Variants in CMIP observed in about 807,000 individuals in gnomAD.
CMIP encodes the protein C-Maf-inducing protein.
In CMIP, 13 loss-of-function variants were observed where a neutral mutation model predicts 97.3. The observed-to-expected ratio is 0.13, with a 90% confidence interval of 0.09 to 0.21. The LOEUF is 0.21. Ranked by LOEUF, CMIP falls within the 10% of genes least tolerant of loss-of-function variation. The probability of loss-of-function intolerance (pLI) is 1.00; values close to 1 mark genes in which losing one functional copy is unlikely to be tolerated. For missense variants in CMIP, 847 were observed against 1,024.9 expected, an observed-to-expected ratio of 0.83 and a Z score of 2.37; for synonymous variants, 538 against 436.3, an observed-to-expected ratio of 1.23 and a Z score of -2.91.
intron 1 of CMIP, among the ~76,000 whole-genome samples, chr16:81,478,878 C>T (rs1908087407): frequency 1.3e-5 from 2 of 152,188 alleles, no homozygotes; most frequent in South Asian, 4.1e-4. Flanking sequence ...TTCCCCACCT[C>T]CCAGCCAGAA....
chr16:81,604,054 G>A (rs2091700947), intron 1 of CMIP, among the ~76,000 whole-genome samples: 1 of 152,170 alleles, frequency 6.6e-6, no homozygotes, highest in South Asian at 2.1e-4. Context: ...TCTGCTTTTG[G>A]CCAAATGCTG....
intron 6 of CMIP, among the ~76,000 whole-genome samples, chr16:81,661,374 T>C (rs970263933): frequency 3.3e-5 from 5 of 152,252 alleles, no homozygotes; most frequent in African/African-American, 1.2e-4. Context: ...GAGCAGGGCA[T>C]CCGCTGCCGG....
In CMIP at chr16:81,607,644, G is replaced by A. The variant is rs772842158; in HGVS notation, c.378G>A (p.Pro126=). The A allele has an allele frequency of 4.9e-5, 79 of 1,613,886 alleles. No homozygotes were observed. Among genetic ancestry groups the A allele is most frequent in the East Asian group, 4.7e-4 (21 of 44,906 alleles). The change falls in exon 2 of 21, where the codon CCG becomes CCA. Residue 126 remains proline (P), a synonymous_variant. Coordinates refer to ENST00000537098, the MANE Select transcript of CMIP (RefSeq NM_198390.3). ...DVQLLSWENA[P]KYCLQLTIPG... ...AGCTGCTGTCCTGGGAGAATGCCCC[G>A]AAGTACTGTTTACAGCTCACGATTC...
At chr16:81,472,195 T>C (rs923368138) in intron 1 of CMIP, among the ~76,000 whole-genome samples, 3 of 152,224 alleles carry the variant, frequency 2.0e-5, no homozygotes, top group Admixed American at 2.0e-4. Context: ...TTCTGATGTA[T>C]ATGTAACTTT....
chr16:81,461,095 C>T (rs1464745837), intron 1 of CMIP, among the ~76,000 whole-genome samples: 1 of 152,194 alleles, frequency 6.6e-6, no homozygotes, highest in Non-Finnish European at 1.5e-5. Flanking sequence ...AAGGCCAAGC[C>T]AGGCAAAACC....
At chr16:81,629,617 G>A (rs1029377438) in intron 3 of CMIP, among the ~76,000 whole-genome samples, 1 of 152,246 alleles carries the variant, frequency 6.6e-6, no homozygotes, top group African/African-American at 2.4e-5. Flanking sequence ...GCTCCTGCCA[G>A]TTATGACCTT....
chr16:81,514,535 C>T (rs1246088617), intron 1 of CMIP, among the ~76,000 whole-genome samples: 1 of 152,178 alleles, frequency 6.6e-6, no homozygotes, highest in Non-Finnish European at 1.5e-5. Flanking sequence ...AATGGGTGTA[C>T]TGTGAGAATT....
chr16:81,633,391 C>T (rs1004813732), intron 3 of CMIP, among the ~76,000 whole-genome samples: 12 of 152,160 alleles, frequency 7.9e-5, no homozygotes, highest in Non-Finnish European at 1.5e-4. Context: ...CCTGTTGGCT[C>T]GGAGATGAGG....
chr16:81,587,013 A>AAAGT (rs1161959214), intron 1 of CMIP, among the ~76,000 whole-genome samples: 21 of 152,238 alleles, frequency 1.4e-4, no homozygotes, highest in African/African-American at 5.1e-4. Context: ...CCAATTTAGA[A>AAAGT]AAGTAAAGAA....
intron 1 of CMIP, among the ~76,000 whole-genome samples, chr16:81,567,669 G>A (rs928343114): frequency 2.0e-5 from 3 of 152,140 alleles, no homozygotes; most frequent in Non-Finnish European, 4.4e-5. Flanking sequence ...AGTATGCCAC[G>A]CCGCCCTCAG....
chr16:81,546,467 G>A (rs181886286), intron 1 of CMIP, among the ~76,000 whole-genome samples: 2 of 152,148 alleles, frequency 1.3e-5, no homozygotes, highest in South Asian at 4.1e-4. Flanking sequence ...CTGAGGCTTG[G>A]TGGGGAAGGA....
At chr16:81,597,592 GC>G (rs1317051558) in intron 1 of CMIP, among the ~76,000 whole-genome samples, 46 of 128,852 alleles carry the variant, frequency 3.6e-4, no homozygotes, top group African/African-American at 1.5e-3. Flanking sequence ...AGCGAGGGGA[GC>G]GGGGGGGGGG....
chr16:81,550,111 G>A (rs1403833240), intron 1 of CMIP, among the ~76,000 whole-genome samples: 1 of 152,216 alleles, frequency 6.6e-6, no homozygotes, highest in African/African-American at 2.4e-5. Flanking sequence ...GACGAAGGCA[G>A]TACACACTGA....
intron 1 of CMIP, among the ~76,000 whole-genome samples, chr16:81,484,289 C>T (rs966352275): frequency 3.3e-5 from 5 of 152,148 alleles, no homozygotes; most frequent in African/African-American, 9.7e-5. Flanking sequence ...CTTGCCAGCT[C>T]GAGGAAGAGT....
rs769982894 is a variant in CMIP at position 81,672,079 on chromosome 16, C to G, written c.1034+9C>G. Reference sequence around the variant, plus strand: ...GAAGAGTTCATCAACAGGTCAGTTGCTGAACCACCGCCACCCAGAGGGCTT... The same window carrying G: ...GAAGAGTTCATCAACAGGTCAGTTGGTGAACCACCGCCACCCAGAGGGCTT... On this transcript the variant is annotated intron_variant, in intron 9 of 20. Coordinates refer to ENST00000537098, the MANE Select transcript of CMIP (RefSeq NM_198390.3). 6.6e-7 allele frequency: 1 copy of G among 1,522,006 alleles called. No individual in the cohort carries two copies. The highest frequency in any genetic ancestry group is 1.8e-5 in the Admixed American group (1 of 54,502). The allele number at this position is 1,522,006 out of a possible 1,614,324, so 94.3% of individuals were successfully genotyped here. A position where few individuals can be genotyped will look rare whatever the true frequency, so the allele number is the denominator to read the frequency against.
intron 1 of CMIP, among the ~76,000 whole-genome samples, chr16:81,606,328 C>A (rs909836086): frequency 6.6e-6 from 1 of 152,316 alleles, no homozygotes. Flanking sequence ...TAAATGATTG[C>A]CATGTGCCCA....
chr16:81,675,990 T>G (rs1166661243), intron 9 of CMIP, among the ~76,000 whole-genome samples: 1 of 151,810 alleles, frequency 6.6e-6, no homozygotes, highest in Non-Finnish European at 1.5e-5. Flanking sequence ...CATTGGAGAG[T>G]CCACAGTGGG....
Position 81,709,938 on chromosome 16 carries a change from G to A in CMIP, c.*139G>A, listed in dbSNP as rs1045691402. On this transcript the variant is annotated 3_prime_UTR_variant, in exon 21 of 21. Transcript: ENST00000537098. ...GATGGGGAGTCTTTCTGGGGGCGGA[G>A]GGGGGAGGGGGTGGGGAGGGGGCCC... 1 of 625,210 alleles carries A rather than the reference G, an allele frequency of 1.6e-6. No individual in the cohort carries two copies. The highest frequency in any genetic ancestry group is 2.8e-6 in the Non-Finnish European group (1 of 351,826). The allele number at this position is 625,210 out of a possible 1,614,324, so 38.7% of individuals were successfully genotyped here.
At chr16:81,682,535 A>T (rs547270896) in intron 10 of CMIP, among the ~76,000 whole-genome samples, 2 of 152,114 alleles carry the variant, frequency 1.3e-5, no homozygotes, top group Admixed American at 6.6e-5. Context: ...ATTGCGTTCC[A>T]TCCTGGGCAA....
Sources: gnomAD v4.1 joint callset for allele counts (sites outside exome capture counted in the v4.1 genomes callset) on GRCh38, gnomAD v4.1.1 for gene constraint, MANE v1.5 for transcripts, NCBI Gene and HGNC (gene_info 2026-07-23, HGNC 2026-07-21) for gene names.